The following VRK2 variants were observed in gnomAD, a reference collection of about 807,000 sequenced individuals.
VRK2 encodes VRK serine/threonine kinase 2.
A neutral mutation model predicts 57.6 loss-of-function variants in VRK2; 60 were observed. That is an observed-to-expected ratio of 1.04 (90% confidence interval 0.85 to 1.29). VRK2 has a LOEUF of 1.29. VRK2 is among the 50% of genes most tolerant of loss of function. The pLI is 0.00. For missense variants in VRK2, 705 were observed against 588.1 expected (o/e 1.20, Z -2.06); for synonymous variants, 231 against 199.2 (o/e 1.16, Z -1.35).
Position 58,012,566 on chromosome 2 carries a change from T to TG in VRK2, c.-438-13093dup, listed in dbSNP as rs551162008. Among the ~76,000 whole-genome samples the TG allele has an allele frequency of 2.2e-3, 339 of 152,320 alleles. 6 individuals carry two copies. In the East Asian group the frequency reaches 0.056, roughly 25 times the overall value. The stretch of plus-strand genomic sequence containing the variant: ...CAGCCCTCTTCCCCTCTCCAGAGTT[T>TG]GGGGGGATAGGGCTGAAAGTTCAAG... On this transcript the variant is annotated intron_variant, in intron 1 of 15. Coordinates refer to the VRK2 transcript ENST00000417641.
chr2:57,984,760 G>T (rs1329650984), intron 1 of VRK2, among the ~76,000 whole-genome samples: 1 of 151,788 alleles, frequency 6.6e-6, no homozygotes, highest in African/African-American at 2.4e-5. Flanking sequence ...TTGAAAAGAA[G>T]AAAAATAAAT....
chr2:58,046,428 CG>C, upstream of VRK2: 2 of 942,096 alleles, frequency 2.1e-6, no homozygotes, highest in Non-Finnish European at 2.5e-6. Flanking sequence ...GGCGAGAGCT[CG>C]GTAAGGACTA....
chr2:57,997,493 T>A (rs73942272), intron 1 of VRK2, among the ~76,000 whole-genome samples: 3,665 of 152,302 alleles, frequency 0.024, 146 homozygotes, highest in African/African-American at 0.084. Context: ...AGACATTTTT[T>A]AAATCATGCA....
At chr2:58,147,400 A>G (rs764715387) in intron 12 of VRK2, among the ~76,000 whole-genome samples, 1 of 151,954 alleles carries the variant, frequency 6.6e-6, no homozygotes, top group Non-Finnish European at 1.5e-5. Flanking sequence ...GTAAGGAACT[A>G]CTTCACTTAG....
chr2:58,104,911 C>T (rs7606655), intron 7 of VRK2, among the ~76,000 whole-genome samples: 1 of 151,856 alleles, frequency 6.6e-6, no homozygotes, highest in Non-Finnish European at 1.5e-5. Flanking sequence ...AGCTACATAT[C>T]TACACCCAAG....
chr2:57,933,429 C>T (rs1387072668), intron 1 of VRK2, among the ~76,000 whole-genome samples: 4 of 146,290 alleles, frequency 2.7e-5, no homozygotes, highest in African/African-American at 5.2e-5. Context: ...TCTTCTGCCT[C>T]AGCCTCCCGA....
intron 7 of VRK2, among the ~76,000 whole-genome samples, chr2:58,119,907 G>T (rs1188600353): frequency 1.3e-4 from 20 of 151,878 alleles, no homozygotes; most frequent in Admixed American, 1.3e-3. Flanking sequence ...TGCTAAAGGA[G>T]TCTCAACTCT....
At chr2:58,002,013 T>G (rs1454983429) in intron 1 of VRK2, among the ~76,000 whole-genome samples, 1 of 152,190 alleles carries the variant, frequency 6.6e-6, no homozygotes, top group Non-Finnish European at 1.5e-5. Flanking sequence ...ACAAAGAATC[T>G]AAATAATGGT....
chr2:57,951,874 G>T (rs1374980845), intron 1 of VRK2, among the ~76,000 whole-genome samples: 2 of 149,710 alleles, frequency 1.3e-5, no homozygotes, highest in Non-Finnish European at 3.0e-5. Flanking sequence ...CTCCTGAGTA[G>T]TTTAAACTAC....
chr2:58,119,979 C>T (rs1164326892), intron 7 of VRK2, among the ~76,000 whole-genome samples: 1 of 151,636 alleles, frequency 6.6e-6, no homozygotes, highest in African/African-American at 2.4e-5. Context: ...CCTATGAAGA[C>T]CTCCAAGAAC....
chr2:58,047,006 A>G, intron 1 of VRK2, 138 bp downstream of exon 1: 5 of 981,440 alleles, frequency 5.1e-6, no homozygotes, highest in Non-Finnish European at 6.1e-6. Context: ...CCCGGGCCTC[A>G]GCTCCGGCCC....
intron 1 of VRK2, among the ~76,000 whole-genome samples, chr2:57,947,062 A>G (rs967783023): frequency 1.3e-5 from 2 of 152,216 alleles, no homozygotes; most frequent in African/African-American, 4.8e-5. Context: ...ATAGTAAAGC[A>G]TCTCAGTTAA....
chr2:57,975,523 G>A (rs954595297), intron 1 of VRK2, among the ~76,000 whole-genome samples: 1 of 151,692 alleles, frequency 6.6e-6, no homozygotes, highest in Non-Finnish European at 1.5e-5. Context: ...ATTTGGGGTG[G>A]GGTACACGTG....
At chr2:57,916,081 A>G (rs1257788585) in intron 1 of VRK2, among the ~76,000 whole-genome samples, 2 of 152,124 alleles carry the variant, frequency 1.3e-5, no homozygotes, top group African/African-American at 4.8e-5. Flanking sequence ...AGATGGAGAA[A>G]TAAATACCTC....
intron 8 of VRK2, among the ~76,000 whole-genome samples, chr2:58,130,965 A>G (rs1426161213): frequency 6.6e-6 from 1 of 151,064 alleles, no homozygotes; most frequent in Non-Finnish European, 1.5e-5. Context: ...TAAGGTACTT[A>G]TAAATATATA....
In VRK2 at chr2:58,049,011, C is replaced by G. The variant is rs368393522; in HGVS notation, c.136+44C>G. ...TTAACAATTATTCTTATATCTGTGA[C>G]TGTAACCGTGATTACTTAGTGGTAT... On this transcript the variant is annotated intron_variant, in intron 2 of 12. Coordinates refer to ENST00000340157, the MANE Select transcript of VRK2 (RefSeq NM_006296.7). The G allele has an allele frequency of 1.9e-6, 3 of 1,584,724 alleles. No homozygotes were observed. In the African/African-American group the frequency reaches 4.1e-5, roughly 22 times the overall value.
At chr2:58,019,310 T>A (rs1030280446) in intron 1 of VRK2, among the ~76,000 whole-genome samples, 8 of 152,156 alleles carry the variant, frequency 5.3e-5, no homozygotes, top group African/African-American at 1.9e-4. Flanking sequence ...TAAGACTAAT[T>A]AATAAGTATA....
intron 12 of VRK2, among the ~76,000 whole-genome samples, chr2:58,153,208 T>A (rs1355982353): frequency 6.6e-6 from 1 of 152,064 alleles, no homozygotes; most frequent in African/African-American, 2.4e-5. Context: ...GCCCTTGAGA[T>A]CGATCCAAGT....
intron 11 of VRK2, among the ~76,000 whole-genome samples, chr2:58,143,621 G>A (rs942983348): frequency 2.6e-5 from 4 of 151,748 alleles, no homozygotes; most frequent in African/African-American, 9.7e-5. Flanking sequence ...TACGTCAGAG[G>A]CTCCCAGGGC....
Sources: allele counts gnomAD v4.1 joint callset (sites outside exome capture counted in the v4.1 genomes callset), GRCh38; gene constraint gnomAD v4.1.1; transcripts MANE v1.5; gene names NCBI Gene and HGNC (gene_info 2026-07-23, HGNC 2026-07-21).